The following COBL variants were observed in gnomAD, a reference collection of about 807,000 sequenced individuals.
COBL encodes cordon-bleu WH2 repeat protein, also known as protein cordon-bleu.
A neutral mutation model predicts 98.8 loss-of-function variants in COBL; 51 were observed. That is an observed-to-expected ratio of 0.52 (90% confidence interval 0.41 to 0.65). The LOEUF is 0.65. Among genes scored for constraint, COBL ranks in the 30% least tolerant of loss-of-function variants. The pLI is 0.00. For missense variants in COBL, 1,617 were observed against 1,617.5 expected (o/e 1.00, Z 0.01); for synonymous variants, 634 against 651.7 (o/e 0.97, Z 0.41).
At chr7:51,197,619 G>A (rs146296652) in intron 2 of COBL, among the ~76,000 whole-genome samples, 1 of 152,254 alleles carries the variant, frequency 6.6e-6, no homozygotes, top group African/African-American at 2.4e-5. Flanking sequence ...GGGTGTTAAA[G>A]TCTCCCACTA....
intron 5 of COBL, among the ~76,000 whole-genome samples, chr7:51,149,001 C>T (rs945624945): frequency 6.6e-6 from 1 of 152,360 alleles, no homozygotes; most frequent in Middle Eastern, 3.4e-3. Context: ...CCACACCTCC[C>T]TATTTCTGGG....
intron 12 of COBL, among the ~76,000 whole-genome samples, chr7:51,023,588 C>T (rs146956602): frequency 6.6e-6 from 1 of 152,242 alleles, no homozygotes; most frequent in African/African-American, 2.4e-5. Context: ...GCTGTTCTTG[C>T]ACAGGGCAAC....
intron 1 of COBL, among the ~76,000 whole-genome samples, chr7:51,262,830 C>T (rs1797836059): frequency 1.3e-5 from 2 of 152,240 alleles, no homozygotes. Flanking sequence ...TCCCTCACTG[C>T]CCACGCCCTA....
intron 1 of COBL, among the ~76,000 whole-genome samples, chr7:51,234,790 C>A (rs1378201096): frequency 2.6e-5 from 4 of 151,928 alleles, no homozygotes; most frequent in Admixed American, 6.6e-5. Context: ...GGCTGGACAG[C>A]AGGCTGGACT....
At chr7:51,140,015 C>A (rs977442178) in intron 5 of COBL, among the ~76,000 whole-genome samples, 1 of 152,096 alleles carries the variant, frequency 6.6e-6, no homozygotes, top group African/African-American at 2.4e-5. Flanking sequence ...ATATCAAGTT[C>A]TTTTTTTGTA....
At chr7:51,218,718 C>G (rs939246282) in intron 2 of COBL, among the ~76,000 whole-genome samples, 1 of 152,024 alleles carries the variant, frequency 6.6e-6, no homozygotes, top group Non-Finnish European at 1.5e-5. Context: ...TCAAGTGATT[C>G]GCCTGCCTCA....
intron 2 of COBL, among the ~76,000 whole-genome samples, chr7:51,202,671 A>G (rs1046277989): frequency 2.0e-5 from 3 of 152,230 alleles, no homozygotes; most frequent in South Asian, 2.1e-4. Context: ...CATGGAAACA[A>G]AAGTTGTCAA....
chr7:51,297,641 C>A (rs1386741948), intron 1 of COBL, among the ~76,000 whole-genome samples: 1 of 152,116 alleles, frequency 6.6e-6, no homozygotes, highest in Non-Finnish European at 1.5e-5. Flanking sequence ...GATCTGCCCG[C>A]CTCAGCCTCC....
At chr7:51,264,997 G>A (rs1301909944) in intron 1 of COBL, among the ~76,000 whole-genome samples, 1 of 152,076 alleles carries the variant, frequency 6.6e-6, no homozygotes, top group Admixed American at 6.5e-5. Context: ...AGAGGCCTCT[G>A]GCCCTCAGTA....
chr7:51,092,268 T>A (rs1237476200), intron 6 of COBL, among the ~76,000 whole-genome samples: 1 of 152,202 alleles, frequency 6.6e-6, no homozygotes, highest in Admixed American at 6.5e-5. Context: ...AACTGGTCCC[T>A]GGTGCCACAA....
intron 6 of COBL, among the ~76,000 whole-genome samples, chr7:51,125,456 C>A (rs1046130215): frequency 6.6e-6 from 1 of 152,110 alleles, no homozygotes; most frequent in Non-Finnish European, 1.5e-5. Flanking sequence ...TTTGGCAGCC[C>A]TAGAAAACTT....
Position 51,186,004 on chromosome 7 carries a change from G to A in COBL, c.686-1805C>T, listed in dbSNP as rs1016833701. On this transcript the variant is annotated intron_variant, in intron 4 of 12. Transcript: ENST00000265136. ...GGAGGCACTGAGCAGGCTCCACATC[G>A]CACAGTACCCAAATCAGAGGGCCCA... Among the ~76,000 whole-genome samples the A allele has an allele frequency of 3.3e-5, 5 of 152,332 alleles. No individual in the cohort carries two copies. In the South Asian group the frequency reaches 6.2e-4, roughly 19 times the overall value.
chr7:51,159,868 A>C (rs899930271), intron 5 of COBL, among the ~76,000 whole-genome samples: 4 of 152,204 alleles, frequency 2.6e-5, no homozygotes, highest in Non-Finnish European at 5.9e-5. Context: ...ATTAGAGATC[A>C]TATGATAAGA....
chr7:51,316,325 A>T, intron 1 of COBL: 1 of 295,208 alleles, frequency 3.4e-6, no homozygotes, highest in Non-Finnish European at 6.2e-6. Context: ...GGACGCCTGC[A>T]TACAAACCAC....
intron 7 of COBL, among the ~76,000 whole-genome samples, chr7:51,050,143 A>G (rs895667821): frequency 3.9e-5 from 6 of 152,332 alleles, no homozygotes; most frequent in African/African-American, 1.4e-4. Context: ...ACACACACAC[A>G]TTTTTATCTT....
chr7:51,026,946 G>C (rs918402254), intron 10 of COBL, among the ~76,000 whole-genome samples: 2 of 152,124 alleles, frequency 1.3e-5, no homozygotes, highest in African/African-American at 4.8e-5. Flanking sequence ...AGGCCTATAG[G>C]GTCAGTTTTA....
chr7:51,071,042 G>A (rs1562871929), intron 7 of COBL: 1 of 152,218 alleles, frequency 6.6e-6, no homozygotes, highest in Non-Finnish European at 1.5e-5. Context: ...ATAATGCATA[G>A]TTTTTCTTTT....
At chr7:51,280,168 T>C (rs1475683316) in intron 1 of COBL, among the ~76,000 whole-genome samples, 1 of 152,152 alleles carries the variant, frequency 6.6e-6, no homozygotes, top group Non-Finnish European at 1.5e-5. Context: ...GCACTCAGTT[T>C]AACATTTTTT....
rs75520098 is a variant in COBL, at chr7:51,220,223, G to A, written c.42-279C>T. ...TGTATTCACAGGATCTGGTCAAGGG[G>A]AGGGTGGGTGCAGCAGGGTTTCGCC... On this transcript the variant is annotated intron_variant, in intron 1 of 12. Coordinates refer to ENST00000265136, the MANE Select transcript of COBL (RefSeq NM_015198.5). 6.4e-3 allele frequency among the ~76,000 whole-genome samples: 971 copies of A among 152,324 alleles called. 11 individuals are homozygous for A. The highest frequency in any genetic ancestry group is 0.022 in the African/African-American group (935 of 41,572).
Sources: allele counts gnomAD v4.1 joint callset (sites outside exome capture counted in the v4.1 genomes callset), GRCh38; gene constraint gnomAD v4.1.1; transcripts MANE v1.5; gene names NCBI Gene and HGNC (gene_info 2026-07-23, HGNC 2026-07-21).